Variants in SECISBP2 observed in about 807,000 individuals in gnomAD.
The protein encoded by SECISBP2 is selenocysteine insertion sequence-binding protein 2.
SECISBP2 carries 96 observed loss-of-function variants against 98.2 expected under a neutral mutation model. That is an observed-to-expected ratio of 0.98 (90% confidence interval 0.83 to 1.16). The LOEUF is 1.16. Ranked by LOEUF, SECISBP2 falls within the 50% of genes most tolerant of loss-of-function variation. The pLI, the probability that SECISBP2 is intolerant of heterozygous loss-of-function variation, is 0.00. For synonymous variants in SECISBP2, 407 were observed against 370.2 expected (o/e 1.10, Z -1.14); for missense variants, 1,046 against 1,022.9 (o/e 1.02, Z -0.31).
intron 14 of SECISBP2, chr9:89,357,192 G>A: frequency 1.7e-6 from 1 of 598,902 alleles, no homozygotes; most frequent in Non-Finnish European, 3.0e-6. Flanking sequence ...AACTTTTCCT[G>A]TTAAGACAAT....
chr9:89,322,936 T>G (rs893934065), intron 2 of SECISBP2: 1 of 152,178 alleles, frequency 6.6e-6, no homozygotes, highest in Admixed American at 6.5e-5. Flanking sequence ...ATGGGGTCAT[T>G]GTAATCACTC....
chr9:89,328,810 G>A lies in SECISBP2; in HGVS notation c.725G>A (p.Trp242Ter). The A allele has an allele frequency of 3.1e-6, 5 of 1,614,192 alleles. No individual in the cohort carries two copies. Among genetic ancestry groups the A allele is most frequent in the Non-Finnish European group, 3.4e-6 (4 of 1,180,014 alleles). Residue 242 changes from tryptophan to a stop codon, truncating the protein, a stop_gained, in exon 5 of 17, where the codon TGG becomes TAG. Coordinates refer to ENST00000375807, the MANE Select transcript of SECISBP2 (RefSeq NM_024077.5). LOFTEE classifies it high-confidence loss of function. Reference protein sequence around the residue: ...NMSEIQKQPKWGPVHSVSTDI... With the variant: ...NMSEIQKQPK ...TCAGAGATACAGAAGCAACCCAAGT[G>A]GGGACCTGTCCACTCTGTCTCTACC...
In SECISBP2 at chr9:89,328,755, C is replaced by A. The variant is rs950378382; in HGVS notation, c.670C>A (p.Pro224Thr). 6 of 1,614,072 alleles carry A rather than the reference C, an allele frequency of 3.7e-6. No individual in the cohort carries two copies. The African/African-American group carries it at 8.0e-5, about 22-fold the overall frequency. The change falls in exon 5 of 17, where the codon CCT becomes ACT. Residue 224 changes from proline to threonine, a missense_variant. Transcript: ENST00000375807. ...GTTTGAATTTACCACACTGGACTTT[C>A]CTGAACTGCAAGGTGCAGAGAACAA... The part of the protein sequence containing the change: ...PEFEFTTLDF[P>T]ELQGAENNMS...
At chr9:89,338,385 G>T in intron 7 of SECISBP2, 73 bp from the exon 8 acceptor site, 1 of 1,530,912 alleles carries the variant, frequency 6.5e-7, no homozygotes, top group Non-Finnish European at 8.9e-7. Context: ...TCTTAATTTT[G>T]TTGATACATA....
rs774784355 is a variant in SECISBP2, at chr9:89,339,947, G to A, written c.1296G>A (p.Gln432=). 1.4e-5 allele frequency: 22 copies of A among 1,609,442 alleles called. No individual in the cohort carries two copies. The highest frequency in any genetic ancestry group is 1.8e-5 in the Non-Finnish European group (21 of 1,176,096). The change falls in exon 9 of 17, where the codon CAG becomes CAA. Residue 432 remains glutamine (Q), a synonymous_variant. Coordinates refer to ENST00000375807, the MANE Select transcript of SECISBP2 (RefSeq NM_024077.5). ...CACCGAAATTTCAATCTAAGCAGCA[G>A]CCACAGGTAATTTTTAGATTGAAAC... ...IETPKFQSKQ[Q]PQDNFKNNVK...
In SECISBP2 at chr9:89,323,231, TAGTA is replaced by T. The variant is rs1039808701; in HGVS notation, c.183-2192_183-2189del. On this transcript the variant is annotated intron_variant, in intron 2 of 16. Transcript: ENST00000375807. ...CGTGCTGAATTGGGAAAAAGTGAAATAGTAAGTGGAAATGACCTGAAAGTTGGAG... is the reference window on the plus strand; with the variant it reads ...CGTGCTGAATTGGGAAAAAGTGAAATAGTGGAAATGACCTGAAAGTTGGAG... 40 of 152,278 alleles carry T rather than the reference TAGTA, an allele frequency of 2.6e-4. 1 individual carries two copies. Among genetic ancestry groups the T allele is most frequent in the Admixed American group, 2.3e-3 (35 of 15,298 alleles). The allele number at this position is 152,278 out of a possible 1,614,324, so 9.4% of individuals were successfully genotyped here. A position where few individuals can be genotyped will look rare whatever the true frequency, so the allele number is the denominator to read the frequency against.
At chr9:89,339,606 G>T (rs1040379454) in intron 8 of SECISBP2, among the ~76,000 whole-genome samples, 1 of 152,096 alleles carries the variant, frequency 6.6e-6, no homozygotes, top group Admixed American at 6.5e-5. Flanking sequence ...GTGGTCCAAG[G>T]TCAGTTCTTT....
At chr9:89,327,086 C>T (rs568559158) in intron 4 of SECISBP2, among the ~76,000 whole-genome samples, 6 of 151,628 alleles carry the variant, frequency 4.0e-5, no homozygotes, top group African/African-American at 7.3e-5. Context: ...GGCATGAACC[C>T]GGGAGGCGGA....
chr9:89,357,992 G>T lies in SECISBP2; in HGVS notation c.2269-7G>T. On this transcript the variant is annotated splice_polypyrimidine_tract_variant and splice_region_variant and intron_variant, in intron 15 of 16. Coordinates refer to ENST00000375807, the MANE Select transcript of SECISBP2 (RefSeq NM_024077.5). ...ATGTTACCTGTGTGCTCTCACTTGT[G>T]CCCAAGGATCAGTTCCACAAGATGG... The T allele has an allele frequency of 1.2e-6, 2 of 1,612,530 alleles. No individual in the cohort carries two copies. Among genetic ancestry groups the T allele is most frequent in the Non-Finnish European group, 1.7e-6 (2 of 1,179,912 alleles).
At chr9:89,320,080 G>A (rs1825460122) in intron 2 of SECISBP2, among the ~76,000 whole-genome samples, 1 of 152,134 alleles carries the variant, frequency 6.6e-6, no homozygotes, top group Admixed American at 6.5e-5. Context: ...TTTCAGGCCA[G>A]GCGCTGTGGC....
At chr9:89,362,159 T>C (rs1832809030), downstream of SECISBP2, 3 of 605,178 alleles carry the variant, frequency 5.0e-6, no homozygotes, top group Admixed American at 2.9e-5. Context: ...CAGAACTTAC[T>C]GTCCCAGGTA....
intron 9 of SECISBP2, 47 bp from the exon 10 acceptor site, chr9:89,341,299 AC>A (rs753513966): frequency 6.4e-7 from 1 of 1,556,404 alleles, no homozygotes; most frequent in Non-Finnish European, 8.8e-7. Flanking sequence ...AAAGAAAAGC[AC>A]AGTTTGTATA....
chr9:89,361,441 A>G (rs183449618), downstream of SECISBP2: 6 of 152,350 alleles, frequency 3.9e-5, no homozygotes, highest in Admixed American at 3.9e-4. Context: ...GATAGACATG[A>G]AAACTGTCAT....
chr9:89,362,195 T>C, downstream of SECISBP2: 1 of 738,692 alleles, frequency 1.4e-6, no homozygotes, highest in Non-Finnish European at 2.3e-6. Context: ...AAGTCTTAGT[T>C]CCTGTCACAG....
intron 2 of SECISBP2, among the ~76,000 whole-genome samples, chr9:89,320,389 C>G (rs531302512): frequency 2.7e-4 from 40 of 147,032 alleles, no homozygotes; most frequent in African/African-American, 9.5e-4. Flanking sequence ...AATCCCGTTT[C>G]AAGGTTCATT....
intron 11 of SECISBP2, among the ~76,000 whole-genome samples, chr9:89,347,653 A>G (rs1398841324): frequency 6.6e-6 from 1 of 151,626 alleles, no homozygotes; most frequent in East Asian, 1.9e-4. Context: ...TAATTTTTGT[A>G]TTTTTAGTAG....
chr9:89,347,195 A>G, intron 11 of SECISBP2, 147 bp downstream of exon 11: 1 of 824,234 alleles, frequency 1.2e-6, no homozygotes, highest in East Asian at 2.7e-5. Flanking sequence ...ATACTCCAAC[A>G]AATGATCCCT....
rs1328987204 is a variant in SECISBP2 at position 89,348,072 on chromosome 9, T to G, written c.1603-7T>G. 5.0e-6 allele frequency: 8 copies of G among 1,610,106 alleles called. No individual in the cohort carries two copies. Among genetic ancestry groups the G allele is most frequent in the African/African-American group, 1.3e-5 (1 of 74,608 alleles). On this transcript the variant is annotated splice_region_variant and splice_polypyrimidine_tract_variant and intron_variant, in intron 11 of 16. Coordinates refer to ENST00000375807, the MANE Select transcript of SECISBP2 (RefSeq NM_024077.5). ...TAGGCATTTTAATTGTTTATTTAAT[T>G]TTTAAGATTATTTTGAAAGAACGGC... is the stretch of plus-strand genomic sequence containing the variant.
intron 7 of SECISBP2, among the ~76,000 whole-genome samples, chr9:89,338,104 C>CGACT (rs936554931): frequency 2.0e-5 from 3 of 152,126 alleles, no homozygotes; most frequent in Non-Finnish European, 4.4e-5. Flanking sequence ...AGATGAGGAA[C>CGACT]GACTGGGTCG....
Sources: gnomAD v4.1 joint callset for allele counts (sites outside exome capture counted in the v4.1 genomes callset) on GRCh38, gnomAD v4.1.1 for gene constraint, MANE v1.5 for transcripts, NCBI Gene and HGNC (gene_info 2026-07-23, HGNC 2026-07-21) for gene names.